The following LRP1B variants were observed in gnomAD, a reference collection of about 807,000 sequenced individuals.
The protein encoded by LRP1B is low-density lipoprotein receptor-related protein 1B.
A neutral mutation model predicts 556.6 loss-of-function variants in LRP1B; 217 were observed. That is an observed-to-expected ratio of 0.39 (90% CI 0.35 to 0.44). The LOEUF is 0.44. Among genes scored for constraint, LRP1B ranks in the 20% least tolerant of loss-of-function variants. LRP1B has a pLI of 1.00. For synonymous variants in LRP1B, 2,047 were observed against 1,865.8 expected (o/e 1.10, Z -2.50); for missense variants, 5,053 against 5,620.8 (o/e 0.90, Z 3.23).
intron 41 of LRP1B, among the ~76,000 whole-genome samples, chr2:140,640,619 G>A (rs1684260090): frequency 6.6e-6 from 1 of 150,724 alleles, no homozygotes; most frequent in East Asian, 2.0e-4. Flanking sequence ...TCCTGACCTC[G>A]TGATCCGCCC....
At chr2:141,157,948 G>A (rs1365093308) in intron 7 of LRP1B, among the ~76,000 whole-genome samples, 2 of 152,106 alleles carry the variant, frequency 1.3e-5, no homozygotes, top group Non-Finnish European at 2.9e-5. Context: ...ATATGTGCAT[G>A]TATTTTGCTT....
intron 35 of LRP1B, among the ~76,000 whole-genome samples, chr2:140,751,674 T>C (rs931149726): frequency 7.2e-5 from 11 of 152,186 alleles, no homozygotes; most frequent in African/African-American, 2.7e-4. Flanking sequence ...ACCTAAGACA[T>C]ATGTCAATAC....
chr2:140,738,495 T>G (rs564774989), intron 35 of LRP1B, among the ~76,000 whole-genome samples: 16 of 152,072 alleles, frequency 1.1e-4, no homozygotes, highest in Non-Finnish European at 2.4e-4. Context: ...ACCATCTCAT[T>G]CACACTAAGG....
intron 20 of LRP1B, among the ~76,000 whole-genome samples, chr2:140,932,886 T>C (rs200973505): frequency 2.7e-4 from 34 of 127,564 alleles, no homozygotes; most frequent in South Asian, 2.0e-3. Flanking sequence ...TCTCTCCCTA[T>C]ACACACACAC....
chr2:140,786,862 G>A (rs10170867), intron 32 of LRP1B, among the ~76,000 whole-genome samples: 10,615 of 152,158 alleles, frequency 0.07, 945 homozygotes, highest in African/African-American at 0.2. Context: ...TGTTGCCAGC[G>A]AACTAGTTTT....
rs145627132 is a variant in LRP1B at position 140,408,658 on chromosome 2, T to A, written c.10415-22649A>T. On this transcript the variant is annotated intron_variant, in intron 66 of 90. Coordinates refer to ENST00000389484, the MANE Select transcript of LRP1B (RefSeq NM_018557.3). ...TGAAGACTGAGGGATTGAGTTACAC[T>A]ACTATCTGAGGGAAAGGACACTCCA... is the stretch of plus-strand genomic sequence containing the variant. Among the ~76,000 whole-genome samples the A allele has an allele frequency of 3.5e-3, 526 of 152,074 alleles. 4 individuals are homozygous for A. Among genetic ancestry groups the A allele is most frequent in the African/African-American group, 0.012 (509 of 41,530 alleles).
chr2:140,807,515 T>G (rs1690761874), intron 32 of LRP1B, among the ~76,000 whole-genome samples: 1 of 150,208 alleles, frequency 6.7e-6, no homozygotes, highest in Non-Finnish European at 1.5e-5. Flanking sequence ...TAATTTTTTT[T>G]TTTTTTTTTG....
At chr2:141,886,825 G>A (rs1309990182) in intron 1 of LRP1B, among the ~76,000 whole-genome samples, 1 of 151,872 alleles carries the variant, frequency 6.6e-6, no homozygotes. Flanking sequence ...TGTTCAACTC[G>A]ATAGTGCTAA....
chr2:140,712,497 C>A (rs909470386), intron 37 of LRP1B, among the ~76,000 whole-genome samples: 2 of 151,968 alleles, frequency 1.3e-5, no homozygotes, highest in Non-Finnish European at 2.9e-5. Flanking sequence ...TCCTCCTATG[C>A]TCCCTGGAAT....
intron 7 of LRP1B, among the ~76,000 whole-genome samples, chr2:141,141,691 A>G (rs1358812960): frequency 6.6e-6 from 1 of 152,186 alleles, no homozygotes; most frequent in African/African-American, 2.4e-5. Flanking sequence ...TTTGCTTATA[A>G]GACAATTTCT....
chr2:141,551,652 C>A (rs1685754168), intron 2 of LRP1B, among the ~76,000 whole-genome samples: 1 of 152,010 alleles, frequency 6.6e-6, no homozygotes, highest in Non-Finnish European at 1.5e-5. Context: ...GGCTACATAG[C>A]ATGCAAATGT....
At chr2:141,191,239 A>G (rs1263502496) in intron 6 of LRP1B, among the ~76,000 whole-genome samples, 2 of 151,934 alleles carry the variant, frequency 1.3e-5, no homozygotes, top group Admixed American at 1.3e-4. Context: ...ATATTAAATA[A>G]ATGTGTGTAT....
intron 1 of LRP1B, among the ~76,000 whole-genome samples, chr2:141,842,209 T>A (rs1697500780): frequency 6.6e-6 from 1 of 152,140 alleles, no homozygotes; most frequent in Non-Finnish European, 1.5e-5. Flanking sequence ...TAGAAATTGC[T>A]TATGATAGAT....
In LRP1B at chr2:142,044,474, A is replaced by G. The variant is rs112541824; in HGVS notation, c.82+86174T>C. Among the ~76,000 whole-genome samples the G allele has an allele frequency of 4.7e-3, 717 of 151,904 alleles. 8 individuals carry two copies. Among genetic ancestry groups the G allele is most frequent in the African/African-American group, 0.016 (685 of 41,518 alleles). On this transcript the variant is annotated intron_variant, in intron 1 of 90. Transcript: ENST00000389484. ...TTGCATGCTCCTCCTGCAGAGCAGAAAGATGAGCGCACAGTAGGCATCTGA... is the reference window on the plus strand; with the variant it reads ...TTGCATGCTCCTCCTGCAGAGCAGAGAGATGAGCGCACAGTAGGCATCTGA...
intron 1 of LRP1B, among the ~76,000 whole-genome samples, chr2:142,111,268 G>A (rs536720445): frequency 1.2e-4 from 18 of 152,148 alleles, no homozygotes; most frequent in African/African-American, 3.4e-4. Context: ...AAAGAGGTGC[G>A]CAAAGGTTCA....
At chr2:140,587,414 T>C (rs1206485649) in intron 43 of LRP1B, among the ~76,000 whole-genome samples, 2 of 152,292 alleles carry the variant, frequency 1.3e-5, no homozygotes, top group Admixed American at 6.5e-5. Context: ...ACTTCTGAAA[T>C]TGTGATTTGT....
chr2:141,141,539 T>G (rs1701652050), intron 7 of LRP1B, among the ~76,000 whole-genome samples: 1 of 152,174 alleles, frequency 6.6e-6, no homozygotes, highest in Non-Finnish European at 1.5e-5. Context: ...TAGGTAAATT[T>G]TTAAATCTTT....
chr2:141,080,668 C>A (rs141158328), intron 7 of LRP1B, among the ~76,000 whole-genome samples: 3 of 152,072 alleles, frequency 2.0e-5, no homozygotes, highest in Non-Finnish European at 4.4e-5. Context: ...CAAAAGACAC[C>A]GTCAGATTGA....
intron 1 of LRP1B, among the ~76,000 whole-genome samples, chr2:141,887,431 C>T (rs1482894408): frequency 6.6e-6 from 1 of 152,184 alleles, no homozygotes; most frequent in African/African-American, 2.4e-5. Context: ...TCTTGTGTCT[C>T]AGGGCTTTTC....
Sources: allele counts gnomAD v4.1 joint callset (sites outside exome capture counted in the v4.1 genomes callset), GRCh38; gene constraint gnomAD v4.1.1; transcripts MANE v1.5; gene names NCBI Gene and HGNC (gene_info 2026-07-23, HGNC 2026-07-21).